The following CDH13 variants were observed in gnomAD, a reference collection of about 807,000 sequenced individuals.
CDH13 encodes cadherin-13.
Under a neutral mutation model 63.8 loss-of-function variants are expected in CDH13, and 24 were observed. That is an observed-to-expected ratio of 0.38 (90% CI 0.27 to 0.53). The LOEUF (loss-of-function observed/expected upper bound fraction) is 0.53, where lower values mean the gene tolerates loss of function less well. Ranked by LOEUF, CDH13 falls within the 20% of genes least tolerant of loss-of-function variation. The pLI is 0.85. For missense variants in CDH13, 1,049 were observed against 903.1 expected, an observed-to-expected ratio of 1.16 and a Z score of -2.07; for synonymous variants, 503 against 355.3, an observed-to-expected ratio of 1.42 and a Z score of -4.67.
intron 10 of CDH13, among the ~76,000 whole-genome samples, chr16:83,743,643 C>T (rs1190352144): frequency 1.3e-5 from 2 of 151,404 alleles, no homozygotes; most frequent in African/African-American, 2.4e-5. Context: ...CAATAGAATG[C>T]GGTTCATTTA....
intron 1 of CDH13, among the ~76,000 whole-genome samples, chr16:82,642,365 G>A (rs143041713): frequency 9.6e-4 from 146 of 152,286 alleles, no homozygotes; most frequent in African/African-American, 3.4e-3. Flanking sequence ...TTTAGTCTAT[G>A]CATCCCCGTA....
chr16:83,584,261 G>A (rs1905926039), intron 7 of CDH13, among the ~76,000 whole-genome samples: 4 of 151,322 alleles, frequency 2.6e-5, no homozygotes, highest in Middle Eastern at 3.2e-3. Flanking sequence ...CCCAGGAGGC[G>A]GAGCTTGCAG....
chr16:83,028,799 A>G (rs952888148), intron 2 of CDH13, among the ~76,000 whole-genome samples: 3 of 152,208 alleles, frequency 2.0e-5, no homozygotes, highest in African/African-American at 7.2e-5. Context: ...TGTGTTGACC[A>G]TGGGTATCTG....
chr16:83,174,816 C>T (rs1169364643), intron 4 of CDH13, among the ~76,000 whole-genome samples: 4 of 151,988 alleles, frequency 2.6e-5, no homozygotes, highest in Non-Finnish European at 5.9e-5. Context: ...AGAAACAAGG[C>T]ACATCTTATC....
intron 4 of CDH13, among the ~76,000 whole-genome samples, chr16:83,216,348 G>T (rs1262660511): frequency 7.8e-6 from 1 of 127,662 alleles, no homozygotes; most frequent in Non-Finnish European, 1.6e-5. Context: ...TATCTCAGTG[G>T]TTTCATCCAT....
chr16:82,692,256 C>G (rs1459143256), intron 1 of CDH13, among the ~76,000 whole-genome samples: 1 of 152,174 alleles, frequency 6.6e-6, no homozygotes, highest in African/African-American at 2.4e-5. Context: ...CACACTCTGC[C>G]TTTGAAATAA....
At chr16:83,284,568 C>T (rs2089261887) in intron 5 of CDH13, among the ~76,000 whole-genome samples, 1 of 152,066 alleles carries the variant, frequency 6.6e-6, no homozygotes, top group African/African-American at 2.4e-5. Flanking sequence ...AGGGAGGAAA[C>T]TAACATTTCC....
chr16:83,282,382 C>G (rs74031965), intron 5 of CDH13, among the ~76,000 whole-genome samples: 1,611 of 152,160 alleles, frequency 0.011, 26 homozygotes, highest in African/African-American at 0.037. Context: ...GTAAAAAACA[C>G]AATAGCTGAA....
intron 2 of CDH13, among the ~76,000 whole-genome samples, chr16:82,921,309 C>T (rs2042146705): frequency 6.6e-6 from 1 of 152,198 alleles, no homozygotes; most frequent in Non-Finnish European, 1.5e-5. Flanking sequence ...CTTGCTTCTT[C>T]CAGCTTCTGG....
At chr16:83,478,861 A>G (rs967891903) in intron 6 of CDH13, among the ~76,000 whole-genome samples, 4 of 151,542 alleles carry the variant, frequency 2.6e-5, no homozygotes, top group Admixed American at 6.6e-5. Context: ...AAAGAAAAAA[A>G]GAAAAAGCTG....
chr16:82,674,401 G>C (rs777966629), intron 1 of CDH13, among the ~76,000 whole-genome samples: 1 of 152,190 alleles, frequency 6.6e-6, no homozygotes, highest in East Asian at 1.9e-4. Context: ...ATGAATGTGA[G>C]ATTAAAGCAA....
intron 7 of CDH13, among the ~76,000 whole-genome samples, chr16:83,542,515 G>T (rs752059404): frequency 6.6e-6 from 1 of 152,180 alleles, no homozygotes; most frequent in African/African-American, 2.4e-5. Context: ...AACGGCTGTG[G>T]TAACAAAGCA....
In CDH13 at chr16:83,140,548, G is replaced by A. The variant is rs137922803; in HGVS notation, c.483+15047G>A. On this transcript the variant is annotated intron_variant, in intron 4 of 13. Transcript: ENST00000567109. ...GGCTCACTACAACCTCGCTGTCTCA[G>A]GTTCAAGTGATTTTCCTGCCTCAGC... 6.2e-4 allele frequency among the ~76,000 whole-genome samples: 95 copies of A among 152,240 alleles called. No individual in the cohort carries two copies. In the East Asian group the frequency reaches 0.018, roughly 29 times the overall value.
At chr16:83,394,489 T>C (rs7199499) in intron 6 of CDH13, among the ~76,000 whole-genome samples, 54,868 of 151,602 alleles carry the variant, frequency 0.36, 10,650 homozygotes, top group East Asian at 0.69. Context: ...ATTGTAAGGA[T>C]GTGGGATGGA....
intron 10 of CDH13, among the ~76,000 whole-genome samples, chr16:83,697,717 G>A (rs943724393): frequency 2.6e-5 from 4 of 152,048 alleles, no homozygotes; most frequent in Non-Finnish European, 5.9e-5. Flanking sequence ...GTGCAATCTC[G>A]GCTCACTTCA....
chr16:82,741,745 A>T (rs1031765831), intron 1 of CDH13, among the ~76,000 whole-genome samples: 3 of 152,208 alleles, frequency 2.0e-5, no homozygotes, highest in African/African-American at 7.2e-5. Flanking sequence ...AATAAAAATT[A>T]TAGATCAATT....
intron 1 of CDH13, among the ~76,000 whole-genome samples, chr16:82,846,060 A>G (rs2151142332): frequency 6.6e-6 from 1 of 152,310 alleles, no homozygotes; most frequent in Non-Finnish European, 1.5e-5. Context: ...TTTTGAGACA[A>G]AACACCTTCA....
At chr16:82,846,735 T>G (rs948067988) in intron 1 of CDH13, among the ~76,000 whole-genome samples, 1 of 152,350 alleles carries the variant, frequency 6.6e-6, no homozygotes, top group African/African-American at 2.4e-5. Context: ...TTTATTCATT[T>G]TTCCATCTCT....
chr16:83,448,787 T>C (rs961708778), intron 6 of CDH13, among the ~76,000 whole-genome samples: 1 of 151,384 alleles, frequency 6.6e-6, no homozygotes, highest in Non-Finnish European at 1.5e-5. Flanking sequence ...GAATAGAAAA[T>C]AGAGATTTGG....
Sources: gnomAD v4.1 joint callset for allele counts (sites outside exome capture counted in the v4.1 genomes callset) on GRCh38, gnomAD v4.1.1 for gene constraint, MANE v1.5 for transcripts, NCBI Gene and HGNC (gene_info 2026-07-23, HGNC 2026-07-21) for gene names.